The following PRKN variants were observed in gnomAD, a reference collection of about 807,000 sequenced individuals.
PRKN encodes parkin RBR E3 ubiquitin protein ligase.
In PRKN, 56 loss-of-function variants were observed where a neutral mutation model predicts 59.5. The ratio of observed to expected loss-of-function variants is 0.94; its 90% CI spans 0.76 to 1.18. The LOEUF (loss-of-function observed/expected upper bound fraction) is 1.18, where lower values mean the gene tolerates loss of function less well. Among genes scored for constraint, PRKN ranks in the 50% most tolerant of loss-of-function variants. The pLI is 0.00. For synonymous variants in PRKN, 250 were observed against 222.1 expected (o/e 1.13, Z -1.12); for missense variants, 657 against 596.4 (o/e 1.10, Z -1.06).
chr6:162,319,471 T>A (rs1782893899), intron 2 of PRKN, among the ~76,000 whole-genome samples: 1 of 152,012 alleles, frequency 6.6e-6, no homozygotes, highest in South Asian at 2.1e-4. Context: ...GTGCAAACTA[T>A]AATAGCTGTT....
chr6:162,121,907 A>G (rs776371294), intron 4 of PRKN, among the ~76,000 whole-genome samples: 4 of 152,186 alleles, frequency 2.6e-5, no homozygotes, highest in Non-Finnish European at 4.4e-5. Context: ...GCATGTGGTT[A>G]TTTACTTGGT....
intron 5 of PRKN, among the ~76,000 whole-genome samples, chr6:162,010,138 T>C (rs1180783800): frequency 1.4e-5 from 2 of 147,602 alleles, no homozygotes; most frequent in African/African-American, 5.0e-5. Flanking sequence ...TCACTTCCTC[T>C]GGCTCGTGTT....
chr6:162,285,652 C>T (rs1781154612), intron 2 of PRKN, among the ~76,000 whole-genome samples: 2 of 152,150 alleles, frequency 1.3e-5, no homozygotes, highest in Non-Finnish European at 2.9e-5. Flanking sequence ...AATCATCAAA[C>T]CACACTGATA....
At chr6:162,094,414 G>A (rs1231628972) in intron 4 of PRKN, among the ~76,000 whole-genome samples, 1 of 152,162 alleles carries the variant, frequency 6.6e-6, no homozygotes, top group African/African-American at 2.4e-5. Flanking sequence ...GGCCCAGGAG[G>A]TTGGGGCTGC....
At chr6:161,510,325 T>A (rs529890533) in intron 9 of PRKN, among the ~76,000 whole-genome samples, 1 of 151,484 alleles carries the variant, frequency 6.6e-6, no homozygotes, top group South Asian at 2.1e-4. Flanking sequence ...GTCCCTGAGA[T>A]CGCCAGTGAG....
At chr6:162,200,735 T>A (rs1204722487) in intron 4 of PRKN, among the ~76,000 whole-genome samples, 1 of 152,160 alleles carries the variant, frequency 6.6e-6, no homozygotes, top group Non-Finnish European at 1.5e-5. Flanking sequence ...GCCCAGTGAA[T>A]GTTGACTTTT....
chr6:162,428,485 C>A (rs887930096), intron 2 of PRKN, among the ~76,000 whole-genome samples: 5 of 152,142 alleles, frequency 3.3e-5, no homozygotes, highest in African/African-American at 1.2e-4. Context: ...AAACCTTAAA[C>A]CTCTCAAATA....
intron 6 of PRKN, among the ~76,000 whole-genome samples, chr6:161,965,739 C>T (rs932424405): frequency 3.9e-5 from 6 of 151,952 alleles, no homozygotes; most frequent in African/African-American, 1.5e-4. Context: ...AAGCTGGGGG[C>T]TTCCAGCCTA....
At chr6:161,523,417 T>C (rs1778909116) in intron 9 of PRKN, among the ~76,000 whole-genome samples, 1 of 152,222 alleles carries the variant, frequency 6.6e-6, no homozygotes, top group Non-Finnish European at 1.5e-5. Flanking sequence ...GTATCTCCTG[T>C]TAGAGTCTCT....
chr6:161,758,933 C>T (rs1382634231), intron 7 of PRKN, among the ~76,000 whole-genome samples: 2 of 152,140 alleles, frequency 1.3e-5, no homozygotes, highest in Non-Finnish European at 2.9e-5. Flanking sequence ...AATCCTAGCA[C>T]TTTGGGAGGC....
intron 2 of PRKN, among the ~76,000 whole-genome samples, chr6:162,437,143 G>T (rs1789814457): frequency 6.6e-6 from 1 of 152,020 alleles, no homozygotes; most frequent in Non-Finnish European, 1.5e-5. Context: ...AGGCATTAAT[G>T]TCTCTATAAG....
intron 4 of PRKN, among the ~76,000 whole-genome samples, chr6:162,082,237 C>G (rs1779086191): frequency 6.6e-6 from 1 of 152,062 alleles, no homozygotes; most frequent in South Asian, 2.1e-4. Context: ...GGAACTTTCC[C>G]TGCACAAGCT....
intron 2 of PRKN, among the ~76,000 whole-genome samples, chr6:162,400,457 C>CAAAAAAAAAAAAAAAAAAAAA (rs3081908): frequency 3.0e-5 from 3 of 98,652 alleles, no homozygotes; most frequent in Admixed American, 1.2e-4. Context: ...ATGTAAATAT[C>CAAAAAAAAAAAAAAAAAAAAA]AAAAAAAAAA....
intron 4 of PRKN, among the ~76,000 whole-genome samples, chr6:162,074,485 T>TG (rs927769217): frequency 7.3e-6 from 1 of 136,874 alleles, no homozygotes; most frequent in East Asian, 2.2e-4. Flanking sequence ...TGTTGTGTGG[T>TG]GGGGGGAGGG....
At chr6:162,449,459 C>A (rs1420649203) in intron 1 of PRKN, among the ~76,000 whole-genome samples, 1 of 152,172 alleles carries the variant, frequency 6.6e-6, no homozygotes, top group East Asian at 1.9e-4. Context: ...TGTTAAGTGA[C>A]CTTGCATGTG....
chr6:162,024,647 C>A (rs544840713), intron 5 of PRKN, among the ~76,000 whole-genome samples: 1 of 152,110 alleles, frequency 6.6e-6, no homozygotes, highest in Non-Finnish European at 1.5e-5. Context: ...TCTTGTAAAG[C>A]GAATTGTTGT....
In PRKN at chr6:161,369,345, T is replaced by G. The variant is rs1785347785; in HGVS notation, c.1168-9140A>C. ...GTACAGAAATTAGAATCCCTAAAAA[T>G]GCCCTAAGGGGTTGCGAGGGGCGGG... On this transcript the variant is annotated intron_variant, in intron 10 of 11. Transcript: ENST00000366898. The surrounding 1 kb of genome is among the most constrained non-coding windows in gnomAD (Gnocchi z 5.8). Among the ~76,000 whole-genome samples, 1 of 152,042 alleles carries G rather than the reference T, an allele frequency of 6.6e-6. No homozygotes were observed. The highest frequency in any genetic ancestry group is 2.1e-4 in the South Asian group (1 of 4,822).
chr6:161,814,177 C>T (rs1413424537), intron 6 of PRKN, among the ~76,000 whole-genome samples: 1 of 152,212 alleles, frequency 6.6e-6, no homozygotes, highest in East Asian at 1.9e-4. Flanking sequence ...CTGCTTTCTA[C>T]TCTTATTCAA....
At chr6:162,261,505 T>G (rs1199437893) in intron 3 of PRKN, among the ~76,000 whole-genome samples, 1 of 152,146 alleles carries the variant, frequency 6.6e-6, no homozygotes, top group African/African-American at 2.4e-5. Context: ...TGTTATGGGC[T>G]TGGGTTCGAT....
Sources: gnomAD v4.1 joint callset for allele counts (sites outside exome capture counted in the v4.1 genomes callset) on GRCh38, gnomAD v4.1.1 for gene constraint, Gnocchi (gnomAD v3.1) non-coding constraint, MANE v1.5 for transcripts, NCBI Gene and HGNC (gene_info 2026-07-23, HGNC 2026-07-21) for gene names.